Variants in TUBA8 observed in about 807,000 individuals in gnomAD.
TUBA8 encodes the protein tubulin alpha-8 chain.
TUBA8 carries 29 observed loss-of-function variants against 34.7 expected under a neutral mutation model. That is an observed-to-expected ratio of 0.84 (90% CI 0.62 to 1.14). The LOEUF is 1.14. Among genes scored for constraint, TUBA8 ranks in the 50% most tolerant of loss-of-function variants. The pLI is 0.00. For missense variants in TUBA8, 541 were observed against 599.2 expected, an observed-to-expected ratio of 0.90 and a Z score of 1.01; for synonymous variants, 226 against 231.2, an observed-to-expected ratio of 0.98 and a Z score of 0.21.
At position 18,121,578 on chromosome 22, in the gene TUBA8, A is replaced by G; in HGVS notation, c.103A>G (p.Thr35Ala). 6.2e-7 allele frequency: 1 copy of G among 1,614,186 alleles called. No individual in the cohort carries two copies. The highest frequency in any genetic ancestry group is 1.1e-5 in the South Asian group (1 of 91,080). The change falls in exon 2 of 5, where the codon ACT (threonine) becomes GCT (alanine). Residue 35 changes from threonine to alanine, a missense_variant. Physicochemically the swap from Thr to Ala is moderately conservative, Grantham distance 58. Coordinates refer to ENST00000330423, the MANE Select transcript of TUBA8 (RefSeq NM_018943.3). The surrounding 1 kb of genome is among the most constrained non-coding windows in gnomAD (Gnocchi z 4.8). ...GGAACACGGCATCCAGGCAGACGGCACTTTTGATGCTCAAGCTAGCAAGAT... is the reference window on the plus strand; with the variant it reads ...GGAACACGGCATCCAGGCAGACGGCGCTTTTGATGCTCAAGCTAGCAAGAT... Reference protein sequence around the residue: ...CLEHGIQADGTFDAQASKIND... With the variant: ...CLEHGIQADGAFDAQASKIND...
rs185657513 is a variant in TUBA8, at chr22:18,118,501, G to A, written c.4-2978G>A. The A allele has an allele frequency of 6.6e-5, 10 of 152,292 alleles. No homozygotes were observed. Among genetic ancestry groups the A allele is most frequent in the East Asian group, 1.9e-4 (1 of 5,168 alleles). The allele number at this position is 152,292 out of a possible 1,614,324, so 9.4% of individuals were successfully genotyped here. ...TTGGGCAGCCCCTTGGTTAGCCTCC[G>A]TGCCTCCAGGCGCTATGCGACATTC... On this transcript the variant is annotated intron_variant, in intron 1 of 4. Coordinates refer to ENST00000330423, the MANE Select transcript of TUBA8 (RefSeq NM_018943.3). This position sits in a 1 kb window ranked among gnomAD's most constrained non-coding sequence, Gnocchi z 4.0.
At position 18,120,356 on chromosome 22, in the gene TUBA8, G is replaced by C. The variant is rs964027070; in HGVS notation, c.4-1123G>C. ...TTCTGTCCATGAGTACCCATGTTTA[G>C]CTCCCACTTATAAGAACATGTGGTA... On this transcript the variant is annotated intron_variant, in intron 1 of 4. Transcript: ENST00000330423. 1.1e-4 allele frequency: 17 copies of C among 152,166 alleles called. 1 individual carries two copies. The highest frequency in any genetic ancestry group is 1.5e-5 in the Non-Finnish European group (1 of 68,038). 9.4% of individuals were successfully genotyped at this position (152,166 alleles called of 1,614,324 possible).
chr22:18,125,579 C>A (rs1229805921), intron 3 of TUBA8: 1 of 148,920 alleles, frequency 6.7e-6, no homozygotes, highest in African/African-American at 2.5e-5. Context: ...CAAGTTCTTA[C>A]AACCAAGAAA....
intron 1 of TUBA8, chr22:18,112,693 G>T (rs1927850241): frequency 6.6e-6 from 1 of 152,176 alleles, no homozygotes; most frequent in East Asian, 1.9e-4. Flanking sequence ...AAAACCTATG[G>T]TTAAATATTT....
rs1327180698 is a variant in TUBA8 at position 18,118,968 on chromosome 22, T to G, written c.4-2511T>G. 1 of 152,216 alleles carries G rather than the reference T, an allele frequency of 6.6e-6. No individual in the cohort carries two copies. The highest frequency in any genetic ancestry group is 2.4e-5 in the African/African-American group (1 of 41,422). 9.4% of individuals were successfully genotyped at this position (152,216 alleles called of 1,614,324 possible). A position where few individuals can be genotyped will look rare whatever the true frequency, so the allele number is the denominator to read the frequency against. On this transcript the variant is annotated intron_variant, in intron 1 of 4. Transcript: ENST00000330423. This position sits in a 1 kb window ranked among gnomAD's most constrained non-coding sequence, Gnocchi z 4.0. ...GCGTCCTCCCTGGAAAGCCCCAGAATGTTCCAGAAGTGAGAGCAGGCTGGG... is the reference window on the plus strand; with the variant it reads ...GCGTCCTCCCTGGAAAGCCCCAGAAGGTTCCAGAAGTGAGAGCAGGCTGGG...
chr22:18,126,877 G>A lies in TUBA8; in HGVS notation c.899G>A (p.Ser300Asn), dbSNP rs372241203. 6.2e-7 allele frequency: 1 copy of A among 1,611,786 alleles called. No homozygotes were observed. The highest frequency in any genetic ancestry group is 8.5e-7 in the Non-Finnish European group (1 of 1,178,676). The part of the protein sequence containing the change: ...EITSSCFEPN[S>N]QMVKCDPRHG... ...ACCAGCTCCTGCTTTGAGCCCAACA[G>A]CCAGATGGTGAAGTGCGACCCGAGA... Residue 300 changes from serine (S) to asparagine (N), a missense_variant, in exon 4 of 5, where the codon AGC becomes AAC. Physicochemically the swap from Ser to Asn is conservative, Grantham distance 46 (BLOSUM62 1). Transcript: ENST00000330423. The surrounding 1 kb of genome is among the most constrained non-coding windows in gnomAD (Gnocchi z 4.0).
At position 18,130,823 on chromosome 22, in the gene TUBA8, C is replaced by T. The variant is rs1409018994; in HGVS notation, c.1057-20C>T. 1.2e-6 allele frequency: 2 copies of T among 1,613,238 alleles called. No individual in the cohort carries two copies. The highest frequency in any genetic ancestry group is 1.1e-5 in the South Asian group (1 of 91,048). ...ACTTGTATCTTCTTCTGTGGCTCCT[C>T]CTCTTTCTGTGTCCCTCAGGTGGGC... is the stretch of plus-strand genomic sequence containing the variant. On this transcript the variant is annotated intron_variant, in intron 4 of 4. Transcript: ENST00000330423.
In TUBA8 at chr22:18,131,460, A is replaced by C; in HGVS notation, c.*324A>C. 2.9e-6 allele frequency: 1 copy of C among 350,556 alleles called. No homozygotes were observed. Among genetic ancestry groups the C allele is most frequent in the Non-Finnish European group, 5.4e-6 (1 of 184,856 alleles). The allele number at this position is 350,556 out of a possible 1,614,324, so 21.7% of individuals were successfully genotyped here. A position where few individuals can be genotyped will look rare whatever the true frequency, so the allele number is the denominator to read the frequency against. ...CAGATCGGGCTGGGTCCAGCCCCAA[A>C]ACATGGCCTGCTGGCTGGGGAGTGG... On this transcript the variant is annotated 3_prime_UTR_variant, in exon 5 of 5. Transcript: ENST00000330423. The surrounding 1 kb of genome is among the most constrained non-coding windows in gnomAD (Gnocchi z 5.3).
chr22:18,122,471 A>G (rs1928176158), intron 2 of TUBA8: 1 of 152,390 alleles, frequency 6.6e-6, no homozygotes, highest in South Asian at 2.1e-4. Flanking sequence ...GGGCCACTGC[A>G]CAGATGATTT....
Position 18,121,782 on chromosome 22 carries a change from C to A in TUBA8, c.226+81C>A. On this transcript the variant is annotated intron_variant, in intron 2 of 4. Transcript: ENST00000330423. The surrounding 1 kb of genome is among the most constrained non-coding windows in gnomAD (Gnocchi z 4.8). ...TGGCCCACAGTAGCTAAGGAAGCAG[C>A]GTCTCTAGCTGGAAGGTGGGGATGG... 1.4e-6 allele frequency: 2 copies of A among 1,396,746 alleles called. No individual in the cohort carries two copies. Among genetic ancestry groups the A allele is most frequent in the South Asian group, 1.2e-5 (1 of 82,180 alleles). The allele number at this position is 1,396,746 out of a possible 1,614,324, so 86.5% of individuals were successfully genotyped here.
chr22:18,114,876 G>T (rs1012426820), intron 1 of TUBA8: 1 of 152,090 alleles, frequency 6.6e-6, no homozygotes, highest in Non-Finnish European at 1.5e-5. Flanking sequence ...AGGCTTCAAA[G>T]TCTCCTTTTG....
chr22:18,128,486 A>G (rs967295729), intron 4 of TUBA8: 1 of 152,248 alleles, frequency 6.6e-6, no homozygotes, highest in African/African-American at 2.4e-5. Flanking sequence ...TTCTGCCATC[A>G]TAACAGCTAC....
Position 18,124,469 on chromosome 22 carries a change from G to C in TUBA8, c.375+165G>C. The C allele has an allele frequency of 1.3e-6, 1 of 772,848 alleles. No homozygotes were observed. The highest frequency in any genetic ancestry group is 2.0e-6 in the Non-Finnish European group (1 of 495,402). The allele number at this position is 772,848 out of a possible 1,614,324, so 47.9% of individuals were successfully genotyped here. On this transcript the variant is annotated intron_variant, in intron 3 of 4. Coordinates refer to ENST00000330423, the MANE Select transcript of TUBA8 (RefSeq NM_018943.3). This position sits in a 1 kb window ranked among gnomAD's most constrained non-coding sequence, Gnocchi z 4.3. ...AAATTCTGTAAGAAGCATGCACAGG[G>C]GTGATGCCCCTTCCTCTGTGTTGGC...
Position 18,124,393 on chromosome 22 carries a change from T to TGGGGCCAAGC in TUBA8, c.375+89_375+90insGGGGCCAAGC. 6.9e-7 allele frequency: 1 copy of TGGGGCCAAGC among 1,449,928 alleles called. No homozygotes were observed. The highest frequency in any genetic ancestry group is 9.3e-7 in the Non-Finnish European group (1 of 1,079,066). 89.8% of individuals were successfully genotyped at this position (1,449,928 alleles called of 1,614,324 possible). A position where few individuals can be genotyped will look rare whatever the true frequency, so the allele number is the denominator to read the frequency against. ...TCTTTGATCAGGCTAGGGAGAGGCA[T>TGGGGCCAAGC]CTGACCCCTGGCTATAGGATGGAGC... On this transcript the variant is annotated intron_variant, in intron 3 of 4. Transcript: ENST00000330423. The surrounding 1 kb of genome is among the most constrained non-coding windows in gnomAD (Gnocchi z 4.3).
intron 4 of TUBA8, chr22:18,127,394 G>T (rs1454235443): frequency 0.013 from 1,983 of 147,194 alleles, 23 homozygotes; most frequent in African/African-American, 0.037. Flanking sequence ...CGTTAGTTTT[G>T]TTTTTTTTTT....
rs1255100193 is a variant in TUBA8 at position 18,131,088 on chromosome 22, A to C, written c.1302A>C (p.Glu434Asp). ...CTGCCCTGGAGAAGGATTATGAAGA[A>C]GTGGGGACTGATTCGTTTGAAGAAG... is the stretch of plus-strand genomic sequence containing the variant. The part of the protein sequence containing the change: ...DLAALEKDYE[E>D]VGTDSFEEEN... Residue 434 changes from glutamate (E) to aspartate (D), a missense_variant, in exon 5 of 5, where the codon GAA becomes GAC. By Grantham distance (45) the Glu-to-Asp change is conservative (BLOSUM62 2). Coordinates refer to ENST00000330423, the MANE Select transcript of TUBA8 (RefSeq NM_018943.3). This position sits in a 1 kb window ranked among gnomAD's most constrained non-coding sequence, Gnocchi z 5.3. 8 of 1,614,114 alleles carry C rather than the reference A, an allele frequency of 5.0e-6. No homozygotes were observed. In the Admixed American group the frequency reaches 6.7e-5, roughly 13 times the overall value.
rs182704857 is a variant in TUBA8, at chr22:18,127,858, C to T, written c.1056+824C>T. On this transcript the variant is annotated intron_variant, in intron 4 of 4. Transcript: ENST00000330423. ...GACTACAGGCGCCTGCTACCACACC[C>T]GGCTAATTTTTTGTATTTTTAGTAG... 7.9e-3 allele frequency: 1,203 copies of T among 151,802 alleles called. 7 individuals carry two copies. Among genetic ancestry groups the T allele is most frequent in the Non-Finnish European group, 0.014 (940 of 68,010 alleles). The allele number at this position is 151,802 out of a possible 1,614,324, so 9.4% of individuals were successfully genotyped here. A position where few individuals can be genotyped will look rare whatever the true frequency, so the allele number is the denominator to read the frequency against.
rs940294618 is a variant in TUBA8 at position 18,131,488 on chromosome 22, ACACT to A, written c.*355_*358del. On this transcript the variant is annotated 3_prime_UTR_variant, in exon 5 of 5. Coordinates refer to ENST00000330423, the MANE Select transcript of TUBA8 (RefSeq NM_018943.3). The surrounding 1 kb of genome is among the most constrained non-coding windows in gnomAD (Gnocchi z 5.3). Reference sequence around the variant, plus strand: ...ATGGCCTGCTGGCTGGGGAGTGGGAACACTCAGAGAAAGGGGAGATCTGGGCCTG... The same window carrying A: ...ATGGCCTGCTGGCTGGGGAGTGGGAACAGAGAAAGGGGAGATCTGGGCCTG... The A allele has an allele frequency of 6.0e-6, 2 of 334,684 alleles. No individual in the cohort carries two copies. The highest frequency in any genetic ancestry group is 4.3e-5 in the African/African-American group (2 of 46,988). 20.7% of individuals were successfully genotyped at this position (334,684 alleles called of 1,614,324 possible). A position where few individuals can be genotyped will look rare whatever the true frequency, so the allele number is the denominator to read the frequency against.
In TUBA8 at chr22:18,110,879, C is replaced by T; in HGVS notation, c.3+11C>T. 6.5e-7 allele frequency: 1 copy of T among 1,547,856 alleles called. No individual in the cohort carries two copies. Among genetic ancestry groups the T allele is most frequent in the Non-Finnish European group, 8.7e-7 (1 of 1,153,534 alleles). On this transcript the variant is annotated intron_variant, in intron 1 of 4. Coordinates refer to ENST00000330423, the MANE Select transcript of TUBA8 (RefSeq NM_018943.3). The surrounding 1 kb of genome is among the most constrained non-coding windows in gnomAD (Gnocchi z 6.2). ...ACAGCGGCAGCGATGGTGAGGCTTCCCGGGGCCAGGCGGGCTGCGGGCGCG... is the reference window on the plus strand; with the variant it reads ...ACAGCGGCAGCGATGGTGAGGCTTCTCGGGGCCAGGCGGGCTGCGGGCGCG...
Sources: gnomAD v4.1 joint callset for allele counts on GRCh38, gnomAD v4.1.1 for gene constraint, Gnocchi (gnomAD v3.1) non-coding constraint, MANE v1.5 for transcripts, NCBI Gene and HGNC (gene_info 2026-07-23, HGNC 2026-07-21) for gene names.